The following SLC7A7 variants were observed in gnomAD, a reference collection of about 807,000 sequenced individuals.
SLC7A7 encodes the protein solute carrier family 7 member 7, also known as Y+L amino acid transporter 1.
SLC7A7 carries 39 observed loss-of-function variants against 47.9 expected under a neutral mutation model. The ratio of observed to expected loss-of-function variants is 0.81; its 90% CI spans 0.63 to 1.06. The LOEUF is 1.06. Among genes scored for constraint, SLC7A7 ranks in the 50% least tolerant of loss-of-function variants. The probability of loss-of-function intolerance (pLI) is 0.00; values close to 1 mark genes in which losing one functional copy is unlikely to be tolerated. For missense variants in SLC7A7, 588 were observed against 632.0 expected, an observed-to-expected ratio of 0.93 and a Z score of 0.75; for synonymous variants, 234 against 242.8, an observed-to-expected ratio of 0.96 and a Z score of 0.34.
intron 2 of SLC7A7, among the ~76,000 whole-genome samples, chr14:22,782,086 A>ATATTT (rs71845541): frequency 6.6e-6 from 1 of 152,068 alleles, no homozygotes; most frequent in Non-Finnish European, 1.5e-5. Context: ...TGGCTTGTTT[A>ATATTT]TATTTTATTT....
At chr14:22,795,980 A>G (rs77541891) in intron 2 of SLC7A7, among the ~76,000 whole-genome samples, 2 of 152,284 alleles carry the variant, frequency 1.3e-5, no homozygotes, top group East Asian at 3.9e-4. Context: ...AGCAGCATAA[A>G]GGTCTACCCC....
chr14:22,777,245 C>T (rs4982671), intron 4 of SLC7A7, among the ~76,000 whole-genome samples: 143,827 of 151,914 alleles, frequency 0.95, 68,465 homozygotes, highest in East Asian at 1. Context: ...TGTTTTATAC[C>T]CCAAAGATCT....
intron 2 of SLC7A7, among the ~76,000 whole-genome samples, chr14:22,795,180 A>T (rs1178876383): frequency 1.3e-5 from 2 of 148,598 alleles, no homozygotes; most frequent in Non-Finnish European, 3.0e-5. Flanking sequence ...AAATGGGCTT[A>T]AACAATCCTC....
chr14:22,819,238 G>A (rs1474905819), upstream of SLC7A7, among the ~76,000 whole-genome samples: 1 of 152,042 alleles, frequency 6.6e-6, no homozygotes, highest in East Asian at 1.9e-4. Flanking sequence ...CCCATGTCCT[G>A]CCTTCCTGGC....
intron 2 of SLC7A7, 96 bp from the exon 3 acceptor site, chr14:22,780,147 T>C: frequency 1.3e-6 from 2 of 1,549,214 alleles, no homozygotes; most frequent in Non-Finnish European, 1.8e-6. Context: ...CCAAGATATA[T>C]ATACCCTTCA....
In SLC7A7 at chr14:22,778,945, C is replaced by T; in HGVS notation, c.626-8G>A. On this transcript the variant is annotated splice_region_variant and splice_polypyrimidine_tract_variant and intron_variant, in intron 3 of 9. Coordinates refer to ENST00000674313, the MANE Select transcript of SLC7A7 (RefSeq NM_003982.4). ...CAAAATGAGTAGAGGCTCCTGGAAC[C>T]CAAGAACATTGGAAGGCAGGGGATT... 1 of 1,613,686 alleles carries T rather than the reference C, an allele frequency of 6.2e-7. No homozygotes were observed. Among genetic ancestry groups the T allele is most frequent in the Non-Finnish European group, 8.5e-7 (1 of 1,179,990 alleles).
chr14:22,787,254 A>G (rs912642305), intron 2 of SLC7A7, among the ~76,000 whole-genome samples: 5 of 151,634 alleles, frequency 3.3e-5, no homozygotes, highest in Admixed American at 6.6e-5. Flanking sequence ...TGGCCAACAT[A>G]GTGAAACCCC....
At chr14:22,807,772 G>A (rs946868557) in intron 2 of SLC7A7, among the ~76,000 whole-genome samples, 2 of 152,132 alleles carry the variant, frequency 1.3e-5, no homozygotes, top group African/African-American at 4.8e-5. Flanking sequence ...TGTGTGAAAG[G>A]TCACAGGAGA....
At position 22,811,374 on chromosome 14, in the gene SLC7A7, G is replaced by C. The variant is rs570109789; in HGVS notation, c.499+1526C>G. ...TTGCAGGGTGGAAGGCATCTCTAAG[G>C]TCCTAGGCTCTCCCAGGTTGGAAGG... On this transcript the variant is annotated intron_variant, in intron 2 of 9. Coordinates refer to ENST00000674313, the MANE Select transcript of SLC7A7 (RefSeq NM_003982.4). 1.1e-4 allele frequency among the ~76,000 whole-genome samples: 17 copies of C among 152,300 alleles called. No homozygotes were observed. In the South Asian group the frequency reaches 3.5e-3, roughly 32 times the overall value.
At chr14:22,797,703 C>T (rs1053734902) in intron 2 of SLC7A7, among the ~76,000 whole-genome samples, 9 of 152,052 alleles carry the variant, frequency 5.9e-5, no homozygotes, top group African/African-American at 1.7e-4. Context: ...GAGGGCAAAA[C>T]GTTATTACCC....
intron 2 of SLC7A7, among the ~76,000 whole-genome samples, chr14:22,805,584 G>A (rs994139318): frequency 2.0e-5 from 3 of 152,066 alleles, no homozygotes; most frequent in Admixed American, 6.6e-5. Context: ...AGACAAATGC[G>A]GGGGAAGAAC....
chr14:22,779,392 G>A (rs1217273670), intron 3 of SLC7A7, among the ~76,000 whole-genome samples: 2 of 151,986 alleles, frequency 1.3e-5, no homozygotes, highest in Non-Finnish European at 2.9e-5. Context: ...TGGGTCAGTT[G>A]TCCTGGATAC....
chr14:22,807,459 C>T (rs565038778), intron 2 of SLC7A7, among the ~76,000 whole-genome samples: 3 of 152,234 alleles, frequency 2.0e-5, no homozygotes, highest in African/African-American at 7.2e-5. Flanking sequence ...GTAATCCTAG[C>T]TACTCAGGAG....
In SLC7A7 at chr14:22,779,970, G is replaced by T; in HGVS notation, c.581C>A (p.Ala194Glu). The T allele has an allele frequency of 6.2e-7, 1 of 1,614,076 alleles. No homozygotes were observed. The highest frequency in any genetic ancestry group is 1.1e-5 in the South Asian group (1 of 91,078). ...GCCTGCAACGATGACCGCGATCAGTGCCAATACTTTAGCATAGGTGAAAAT... is the reference window on the plus strand; with the variant it reads ...GCCTGCAACGATGACCGCGATCAGTTCCAATACTTTAGCATAGGTGAAAAT... ...QDIFTYAKVL[A>E]LIAVIVAGIV... The change falls in exon 3 of 10, where the codon GCA becomes GAA. Residue 194 changes from alanine (A) to glutamate (E), a missense_variant. Ala to Glu is a moderately radical substitution (Grantham distance 107). Coordinates refer to ENST00000674313, the MANE Select transcript of SLC7A7 (RefSeq NM_003982.4).
chr14:22,819,032 G>C (rs1273311480), upstream of SLC7A7, among the ~76,000 whole-genome samples: 2 of 152,170 alleles, frequency 1.3e-5, no homozygotes, highest in Non-Finnish European at 2.9e-5. Context: ...GAAGAAATTT[G>C]ATTCAGAAAC....
At position 22,813,280 on chromosome 14, in the gene SLC7A7, A is replaced by G. The variant is rs1188661541; in HGVS notation, c.119T>C (p.Leu40Pro). The change falls in exon 2 of 10, where the codon CTT becomes CCT. Residue 40 changes from leucine to proline, a missense_variant. Physicochemically the swap from Leu to Pro is moderately conservative, Grantham distance 98 (BLOSUM62 -3). Coordinates refer to ENST00000674313, the MANE Select transcript of SLC7A7 (RefSeq NM_003982.4). ...CCCCACAATCAGGCACACGCCGTTA[A>G]GCAGTGAGATCTCCTTCTTCAGCTT... ...QVKLKKEISL[L>P]NGVCLIVGNM... 6.2e-7 allele frequency: 1 copy of G among 1,614,046 alleles called. No individual in the cohort carries two copies.
chr14:22,792,867 A>AGAGAG (rs2038946985), intron 2 of SLC7A7, among the ~76,000 whole-genome samples: 6 of 122,552 alleles, frequency 4.9e-5, no homozygotes, highest in Admixed American at 9.0e-5. Context: ...CAAAGAAAGA[A>AGAGAG]AGAGAGAGAG....
In SLC7A7 at chr14:22,773,600, C is replaced by G. The variant is rs1176332045; in HGVS notation, c.*10G>C. The G allele has an allele frequency of 6.2e-7, 1 of 1,608,088 alleles. No individual in the cohort carries two copies. ...ACCCCTGCTTTCCACATCAGGATTCCAGATGGTGTTTAGTTAGATTTGGGA... is the reference window on the plus strand; with the variant it reads ...ACCCCTGCTTTCCACATCAGGATTCGAGATGGTGTTTAGTTAGATTTGGGA... On this transcript the variant is annotated 3_prime_UTR_variant, in exon 10 of 10. Coordinates refer to ENST00000674313, the MANE Select transcript of SLC7A7 (RefSeq NM_003982.4).
At chr14:22,798,179 C>T (rs952263783) in intron 2 of SLC7A7, among the ~76,000 whole-genome samples, 2 of 152,096 alleles carry the variant, frequency 1.3e-5, no homozygotes, top group African/African-American at 4.8e-5. Context: ...CACCTGTAAT[C>T]CCAGCTACTC....
Sources: allele counts gnomAD v4.1 joint callset (sites outside exome capture counted in the v4.1 genomes callset), GRCh38; gene constraint gnomAD v4.1.1; transcripts MANE v1.5; gene names NCBI Gene and HGNC (gene_info 2026-07-23, HGNC 2026-07-21).